Variants in MORC1 observed in about 807,000 individuals in gnomAD.
MORC1 encodes MORC family CW-type zinc finger protein 1.
A neutral mutation model predicts 134.9 loss-of-function variants in MORC1; 59 were observed. The ratio of observed to expected loss-of-function variants is 0.44; its 90% CI spans 0.35 to 0.54. The LOEUF (loss-of-function observed/expected upper bound fraction) is 0.54, where lower values mean the gene tolerates loss of function less well. Ranked by LOEUF, MORC1 falls within the 20% of genes least tolerant of loss-of-function variation. MORC1 has a pLI of 0.00. For synonymous variants in MORC1, 395 were observed against 391.7 expected (o/e 1.01, Z -0.10); for missense variants, 947 against 1,134.5 (o/e 0.83, Z 2.37).
intron 22 of MORC1, among the ~76,000 whole-genome samples, chr3:108,986,046 G>C (rs1022617562): frequency 3.3e-5 from 5 of 152,076 alleles, no homozygotes; most frequent in African/African-American, 1.2e-4. Context: ...GCCACCAAAA[G>C]AGAACATAAA....
intron 17 of MORC1, among the ~76,000 whole-genome samples, chr3:109,022,244 TAG>T (rs1200862523): frequency 6.6e-6 from 1 of 152,218 alleles, no homozygotes; most frequent in Non-Finnish European, 1.5e-5. Context: ...ACTATAGTTA[TAG>T]AGATTTGAAA....
chr3:109,009,115 C>G (rs1030803888), intron 17 of MORC1, among the ~76,000 whole-genome samples: 15 of 151,640 alleles, frequency 9.9e-5, no homozygotes, highest in African/African-American at 3.6e-4. Context: ...TCAGACATCT[C>G]TTGCTGGTTG....
At chr3:109,025,709 GC>G (rs1210384748) in intron 17 of MORC1, among the ~76,000 whole-genome samples, 2 of 152,108 alleles carry the variant, frequency 1.3e-5, no homozygotes, top group Middle Eastern at 3.2e-3. Flanking sequence ...TTTGATTGAA[GC>G]TGCCCTCACT....
intron 9 of MORC1, among the ~76,000 whole-genome samples, chr3:109,067,228 A>G (rs192334008): frequency 6.6e-6 from 1 of 152,346 alleles, no homozygotes; most frequent in African/African-American, 2.4e-5. Flanking sequence ...AGCAATGTTA[A>G]TGAAGAATGT....
At chr3:108,982,953 C>CA (rs34705106) in intron 23 of MORC1, among the ~76,000 whole-genome samples, 40 of 140,270 alleles carry the variant, frequency 2.9e-4, no homozygotes, top group East Asian at 1.3e-3. Flanking sequence ...TTTTTAAATG[C>CA]AAAAAAAAAA....
At chr3:109,004,162 C>G (rs1487061771) in intron 20 of MORC1, among the ~76,000 whole-genome samples, 1 of 152,172 alleles carries the variant, frequency 6.6e-6, no homozygotes, top group Non-Finnish European at 1.5e-5. Context: ...ACACTCCCAC[C>G]ATGACTACCC....
At chr3:109,053,845 G>A (rs189427569) in intron 14 of MORC1, among the ~76,000 whole-genome samples, 2 of 152,166 alleles carry the variant, frequency 1.3e-5, no homozygotes, top group Non-Finnish European at 2.9e-5. Context: ...TGTCTCTGAG[G>A]AGTGAGGTGA....
At chr3:108,965,749 C>T (rs539912294) in intron 26 of MORC1, among the ~76,000 whole-genome samples, 2 of 152,184 alleles carry the variant, frequency 1.3e-5, no homozygotes, top group African/African-American at 4.8e-5. Flanking sequence ...GTGATGAGTA[C>T]ACAGGACCTC....
chr3:109,107,367 C>T (rs909994688), intron 3 of MORC1, among the ~76,000 whole-genome samples: 1 of 152,130 alleles, frequency 6.6e-6, no homozygotes, highest in Non-Finnish European at 1.5e-5. Context: ...ATAAGGAAAG[C>T]TATGGACCCT....
chr3:109,085,570 C>A (rs984701452), intron 8 of MORC1, among the ~76,000 whole-genome samples: 7 of 151,540 alleles, frequency 4.6e-5, no homozygotes, highest in Non-Finnish European at 1.0e-4. Flanking sequence ...TATCATCTCA[C>A]CCCAATTAAA....
At chr3:108,971,195 A>G (rs765864868) in intron 25 of MORC1, 135 bp downstream of exon 25, 3 of 688,858 alleles carry the variant, frequency 4.4e-6, no homozygotes, top group Non-Finnish European at 7.6e-6. Context: ...ATGAATCACC[A>G]TTTGGTATAA....
chr3:108,985,383 TC>T (rs1270125941), intron 22 of MORC1, among the ~76,000 whole-genome samples: 4 of 152,250 alleles, frequency 2.6e-5, no homozygotes, highest in Admixed American at 6.5e-5. Flanking sequence ...AAGCAATGAG[TC>T]AATGTGTCCT....
chr3:109,101,270 C>T (rs1950920282), intron 4 of MORC1, among the ~76,000 whole-genome samples: 1 of 152,146 alleles, frequency 6.6e-6, no homozygotes, highest in East Asian at 1.9e-4. Flanking sequence ...GAATTTAGCC[C>T]TTAACCAGGC....
At chr3:109,002,992 C>A (rs571917319) in intron 20 of MORC1, among the ~76,000 whole-genome samples, 15 of 152,096 alleles carry the variant, frequency 9.9e-5, no homozygotes, top group Non-Finnish European at 2.2e-4. Context: ...CCCCTTCTAC[C>A]AATGTAATTA....
intron 6 of MORC1, among the ~76,000 whole-genome samples, chr3:109,098,667 C>T (rs1482276061): frequency 6.6e-6 from 1 of 152,154 alleles, no homozygotes; most frequent in Non-Finnish European, 1.5e-5. Flanking sequence ...GTAACAGTAG[C>T]CACACAGACT....
intron 17 of MORC1, chr3:109,019,001 C>A (rs1948891817): frequency 6.6e-6 from 1 of 152,212 alleles, no homozygotes. Context: ...TGAAGCAACA[C>A]CGGTTCCATG....
At chr3:109,009,496 G>A (rs972288341) in intron 17 of MORC1, among the ~76,000 whole-genome samples, 2 of 152,074 alleles carry the variant, frequency 1.3e-5, no homozygotes, top group East Asian at 1.9e-4. Context: ...GAGCCACCAC[G>A]CCTGGCCCTT....
At chr3:109,115,352 CACACACAGAG>C (rs1356721070) in intron 1 of MORC1, among the ~76,000 whole-genome samples, 2 of 149,824 alleles carry the variant, frequency 1.3e-5, no homozygotes, top group African/African-American at 2.5e-5. Flanking sequence ...CACACACACA[CACACACAGAG>C]AGAGAGAATA....
chr3:108,979,388 C>A, intron 24 of MORC1, 127 bp downstream of exon 24: 1 of 1,026,348 alleles, frequency 9.7e-7, no homozygotes, highest in Admixed American at 2.2e-5. Context: ...AGTTAGGAGA[C>A]AAGTCATAAT....
Sources: gnomAD v4.1 joint callset for allele counts (sites outside exome capture counted in the v4.1 genomes callset) on GRCh38, gnomAD v4.1.1 for gene constraint, MANE v1.5 for transcripts, NCBI Gene and HGNC (gene_info 2026-07-23, HGNC 2026-07-21) for gene names.